HEPHL1: variants seen among roughly 807,000 people sequenced by gnomAD.
HEPHL1 encodes the protein hephaestin like 1.
HEPHL1 carries 123 observed loss-of-function variants against 122.0 expected under a neutral mutation model. The observed-to-expected ratio is 1.01, with a 90% CI of 0.87 to 1.17. The LOEUF is 1.17. Among genes scored for constraint, HEPHL1 ranks in the 50% most tolerant of loss-of-function variants. The pLI is 0.00. For missense variants in HEPHL1, 1,452 were observed against 1,430.5 expected, an observed-to-expected ratio of 1.01 and a Z score of -0.24; for synonymous variants, 527 against 508.9, an observed-to-expected ratio of 1.04 and a Z score of -0.48.
chr11:94,037,101 G>C (rs1945732462), intron 1 of HEPHL1, among the ~76,000 whole-genome samples: 1 of 152,180 alleles, frequency 6.6e-6, no homozygotes, highest in Non-Finnish European at 1.5e-5. Flanking sequence ...TCAAAGAAAG[G>C]GGTGACGGAC....
chr11:94,084,204 G>T (rs1386459831), intron 10 of HEPHL1, among the ~76,000 whole-genome samples: 2 of 151,816 alleles, frequency 1.3e-5, no homozygotes, highest in African/African-American at 4.8e-5. Context: ...TGCACCTGTA[G>T]TCCCAGCTGC....
In HEPHL1 at chr11:94,101,200, A is replaced by G. The variant is rs779007337; in HGVS notation, c.2440A>G (p.Met814Val). 27 of 1,613,764 alleles carry G rather than the reference A, an allele frequency of 1.7e-5. No homozygotes were observed. The highest frequency in any genetic ancestry group is 6.7e-5 in the East Asian group (3 of 44,886). The change falls in exon 14 of 20, where the codon ATG (methionine) becomes GTG (valine). Residue 814 changes from methionine to valine, a missense_variant. Transcript: ENST00000315765. ...REEHLELLGPMIHAEVGNTVL... is the reference protein window; with the variant it reads ...REEHLELLGPVIHAEVGNTVL... ...GGCCTGTGTTTTGCCTTTAGGCCCA[A>G]TGATTCATGCTGAGGTGGGCAACAC...
Position 94,094,007 on chromosome 11 carries a change from TATATATAA to T in HEPHL1, c.2434+369_2434+376del, listed in dbSNP as rs1191872872. The stretch of plus-strand genomic sequence containing the variant: ...ATATATATATATATATATATATATA[TATATATAA>T]AACTTTAAGTTCTAGGGTACATGTG... On this transcript the variant is annotated intron_variant, in intron 13 of 19. Coordinates refer to ENST00000315765, the MANE Select transcript of HEPHL1 (RefSeq NM_001098672.2). Among the ~76,000 whole-genome samples, 194 of 115,950 alleles carry T rather than the reference TATATATAA, an allele frequency of 1.7e-3. 3 individuals are homozygous for T. The highest frequency in any genetic ancestry group is 7.2e-3 in the African/African-American group (185 of 25,736). 76.1% of individuals were successfully genotyped at this position (115,950 alleles called of 152,430 possible). A position where few individuals can be genotyped will look rare whatever the true frequency, so the allele number is the denominator to read the frequency against.
chr11:94,076,169 C>A (rs537090161), intron 9 of HEPHL1, among the ~76,000 whole-genome samples: 1 of 152,182 alleles, frequency 6.6e-6, no homozygotes, highest in South Asian at 2.1e-4. Flanking sequence ...TTGGATTTTC[C>A]TTTCTCTACA....
intron 1 of HEPHL1, among the ~76,000 whole-genome samples, chr11:94,033,246 C>T (rs1000615260): frequency 2.0e-5 from 3 of 152,154 alleles, no homozygotes; most frequent in Non-Finnish European, 4.4e-5. Context: ...GAATTGAATT[C>T]TTTCTTCTGA....
chr11:94,111,492 C>T, intron 18 of HEPHL1, 45 bp from the exon 19 acceptor site: 1 of 1,420,708 alleles, frequency 7.0e-7, no homozygotes, highest in South Asian at 1.2e-5. Flanking sequence ...GAAAAGAATC[C>T]CCTTCTGTTG....
chr11:94,046,186 C>T (rs561145487), intron 2 of HEPHL1, among the ~76,000 whole-genome samples: 15 of 146,328 alleles, frequency 1.0e-4, no homozygotes, highest in African/African-American at 3.3e-4. Flanking sequence ...CCTCCGTCTC[C>T]CTGGTTCAGG....
At chr11:94,092,221 T>A (rs999910330) in intron 12 of HEPHL1, among the ~76,000 whole-genome samples, 7 of 152,222 alleles carry the variant, frequency 4.6e-5, no homozygotes, top group African/African-American at 1.4e-4. Context: ...TAAAAGATTT[T>A]AAAAATCTGT....
rs200703100 is a variant in HEPHL1, at chr11:94,045,866, C to T, written c.364C>T (p.Arg122Ter). 8.7e-5 allele frequency: 141 copies of T among 1,613,634 alleles called. No individual in the cohort carries two copies. Among genetic ancestry groups the T allele is most frequent in the African/African-American group, 4.5e-4 (34 of 74,892 alleles). ...IVIHLKNFAS[R>*]PYSLHPHGVF... ...CATTCATTTAAAGAACTTTGCTTCTCGACCTTACTCTCTGCATCCACATGG... is the reference window on the plus strand; with the variant it reads ...CATTCATTTAAAGAACTTTGCTTCTTGACCTTACTCTCTGCATCCACATGG... The change falls in exon 2 of 20, where the codon CGA (arginine) becomes TGA (stop). Residue 122 changes from arginine to a stop codon, truncating the protein, a stop_gained. Transcript: ENST00000315765. LOFTEE classifies it high-confidence loss of function.
Position 94,112,186 on chromosome 11 carries a change from C to G in HEPHL1, c.*292C>G, listed in dbSNP as rs7108501. 0.69 allele frequency: 180,895 copies of G among 262,238 alleles called. 62,816 individuals carry two copies. Among genetic ancestry groups the G allele is most frequent in the Admixed American group, 0.76 (14,292 of 18,712 alleles). The allele number at this position is 262,238 out of a possible 1,614,324, so 16.2% of individuals were successfully genotyped here. ...TTGGATTCACTGAATAGGAGACACT[C>G]TGAAAGATATCTTTATATTCCATCT... On this transcript the variant is annotated 3_prime_UTR_variant, in exon 20 of 20. Coordinates refer to ENST00000315765, the MANE Select transcript of HEPHL1 (RefSeq NM_001098672.2).
chr11:94,032,989 C>T (rs1945689639), intron 1 of HEPHL1, among the ~76,000 whole-genome samples: 1 of 152,126 alleles, frequency 6.6e-6, no homozygotes. Context: ...GAGGCCACTG[C>T]ACATATGGAC....
chr11:94,035,888 T>G (rs1289241540), intron 1 of HEPHL1, among the ~76,000 whole-genome samples: 1 of 152,106 alleles, frequency 6.6e-6, no homozygotes, highest in African/African-American at 2.4e-5. Context: ...AGGCGCCCGT[T>G]ACCACGCCCG....
intron 2 of HEPHL1, chr11:94,056,007 C>T: frequency 1.3e-6 from 1 of 779,402 alleles, no homozygotes; most frequent in Non-Finnish European, 2.0e-6. Context: ...CAGCCAGCTT[C>T]CATTCTCTGT....
chr11:94,108,014 G>C (rs1321780045), intron 17 of HEPHL1, among the ~76,000 whole-genome samples: 1 of 152,136 alleles, frequency 6.6e-6, no homozygotes, highest in African/African-American at 2.4e-5. Context: ...GGAAATATAC[G>C]AGAACTCCAT....
Position 94,096,083 on chromosome 11 carries a change from T to TCCAC in HEPHL1, c.2434+2445_2434+2446insACCC, listed in dbSNP as rs1946309913. On this transcript the variant is annotated intron_variant, in intron 13 of 19. Coordinates refer to ENST00000315765, the MANE Select transcript of HEPHL1 (RefSeq NM_001098672.2). ...TGAACAGAAGTGGTGAGAGAGGGCA[T>TCCAC]CCCTGTCTTGTGCCAGTTTTCAAAG... Among the ~76,000 whole-genome samples, 3 of 152,338 alleles carry TCCAC rather than the reference T, an allele frequency of 2.0e-5. No individual in the cohort carries two copies. In the South Asian group the frequency reaches 6.2e-4, roughly 32 times the overall value.
Position 94,073,068 on chromosome 11 carries a change from G to A in HEPHL1, c.1276G>A (p.Gly426Arg). Residue 426 changes from glycine to arginine, a missense_variant, in exon 7 of 20, where the codon GGA becomes AGA. Coordinates refer to ENST00000315765, the MANE Select transcript of HEPHL1 (RefSeq NM_001098672.2). ...CACACAAGGGGACAACAGAATAGGA[G>A]GAAAATACTGGAAGGTTCGGTATAC... ...YFTQGDNRIG[G>R]KYWKVRYTEF... 1 of 1,612,788 alleles carries A rather than the reference G, an allele frequency of 6.2e-7. No individual in the cohort carries two copies.
intron 17 of HEPHL1, among the ~76,000 whole-genome samples, chr11:94,107,858 ATG>A (rs1946420855): frequency 6.2e-5 from 1 of 16,134 alleles, no homozygotes; most frequent in African/African-American, 2.2e-4. Flanking sequence ...ATTTGTGCAC[ATG>A]TTTTTGTGTG....
chr11:94,104,685 A>G lies in HEPHL1; in HGVS notation c.2840A>G (p.Tyr947Cys). Residue 947 changes from tyrosine to cysteine, a missense_variant, in exon 16 of 20, where the codon TAT becomes TGT. By Grantham distance (194) the Tyr-to-Cys change is radical (BLOSUM62 -2). Transcript: ENST00000315765. ...SWYLDDNIKK[Y>C]LNKDPRDFKR... ...TATCTGGATGACAATATTAAGAAGTATCTCAACAAAGATCCACGAGATTTT... is the reference window on the plus strand; with the variant it reads ...TATCTGGATGACAATATTAAGAAGTGTCTCAACAAAGATCCACGAGATTTT... 1.2e-6 allele frequency: 2 copies of G among 1,613,950 alleles called. No homozygotes were observed. Among genetic ancestry groups the G allele is most frequent in the East Asian group, 2.2e-5 (1 of 44,868 alleles).
At chr11:94,042,872 T>TAAAAAAAAAAAA (rs1181820453) in intron 1 of HEPHL1, among the ~76,000 whole-genome samples, 49 of 1,194 alleles carry the variant, frequency 0.041, no homozygotes, top group Admixed American at 0.086. Context: ...ACTTAAAGTA[T>TAAAAAAAAAAAA]AATAAAAAAA....
Sources: gnomAD v4.1 joint callset for allele counts (sites outside exome capture counted in the v4.1 genomes callset) on GRCh38, gnomAD v4.1.1 for gene constraint, MANE v1.5 for transcripts, NCBI Gene and HGNC (gene_info 2026-07-23, HGNC 2026-07-21) for gene names.